LAMC1: variants seen among roughly 807,000 people sequenced by gnomAD.
LAMC1 encodes the protein laminin subunit gamma 1, also known as laminin subunit gamma-1.
LAMC1 carries 38 observed loss-of-function variants against 173.6 expected under a neutral mutation model. The observed-to-expected ratio is 0.22, with a 90% CI of 0.17 to 0.29. LAMC1 has a LOEUF of 0.29. LAMC1 is among the 10% of genes least tolerant of loss of function. The probability of loss-of-function intolerance (pLI) is 1.00; values close to 1 mark genes in which losing one functional copy is unlikely to be tolerated. For synonymous variants in LAMC1, 746 were observed against 749.1 expected (o/e 1.00, Z 0.07); for missense variants, 1,824 against 2,051.8 (o/e 0.89, Z 2.14).
chr1:183,108,172 A>G (rs1247182836), intron 2 of LAMC1, 104 bp from the exon 3 acceptor site: 19 of 1,056,728 alleles, frequency 1.8e-5, no homozygotes, highest in African/African-American at 4.8e-5. Flanking sequence ...AAGAGGGCGT[A>G]AGTTAAATGA....
At chr1:183,112,297 A>G (rs192759699) in intron 4 of LAMC1, among the ~76,000 whole-genome samples, 22 of 152,284 alleles carry the variant, frequency 1.4e-4, no homozygotes, top group African/African-American at 5.1e-4. Context: ...AGAATGAAAT[A>G]CTCCTAATAT....
At position 183,133,720 on chromosome 1, in the gene LAMC1, T is replaced by C. The variant is rs6666259; in HGVS notation, c.3849+170T>C. The stretch of plus-strand genomic sequence containing the variant: ...CAAGGTAGCCAGATGTGGTGGCTCA[T>C]GCCTGTAATGCCAACCCTGGGAGGC... On this transcript the variant is annotated intron_variant, in intron 22 of 27. Coordinates refer to ENST00000258341, the MANE Select transcript of LAMC1 (RefSeq NM_002293.4). Among the ~76,000 whole-genome samples, 78,777 of 152,048 alleles carry C rather than the reference T, an allele frequency of 0.52. 21,110 individuals carry two copies. Among genetic ancestry groups the C allele is most frequent in the South Asian group, 0.65 (3,133 of 4,818 alleles).
At chr1:183,130,582 G>C (rs1656757529) in intron 19 of LAMC1, 33 bp downstream of exon 19, 4 of 1,578,730 alleles carry the variant, frequency 2.5e-6, no homozygotes, top group African/African-American at 1.3e-5. Context: ...GGTGGGGATG[G>C]GGGAGGCCCC....
chr1:183,036,103 T>C (rs1031441295), intron 1 of LAMC1, among the ~76,000 whole-genome samples: 3 of 151,546 alleles, frequency 2.0e-5, no homozygotes, highest in African/African-American at 7.3e-5. Context: ...ATTCTTTTTT[T>C]TTTTTTTTTT....
chr1:183,077,835 A>G (rs925545552), intron 1 of LAMC1, among the ~76,000 whole-genome samples: 1 of 146,974 alleles, frequency 6.8e-6, no homozygotes, highest in Non-Finnish European at 1.5e-5. Context: ...TGATTGATGG[A>G]CATTTGGGTT....
In LAMC1 at chr1:183,023,601, T is replaced by A. The variant is rs1276436498; in HGVS notation, c.-116T>A. ...GCCGCCGCCACCGCCCGCGCCGGAG[T>A]CAGGCCCCTGGGCCCCCAGGCTCAA... On this transcript the variant is annotated 5_prime_UTR_variant, in exon 1 of 28. Transcript: ENST00000258341. 1.3e-6 allele frequency: 1 copy of A among 789,172 alleles called. No individual in the cohort carries two copies. The highest frequency in any genetic ancestry group is 5.9e-5 in the East Asian group (1 of 16,938). The allele number at this position is 789,172 out of a possible 1,614,324, so 48.9% of individuals were successfully genotyped here.
intron 21 of LAMC1, among the ~76,000 whole-genome samples, chr1:183,133,149 G>A (rs1656844999): frequency 6.6e-6 from 1 of 152,158 alleles, no homozygotes; most frequent in Non-Finnish European, 1.5e-5. Context: ...GACCTGAAGT[G>A]ATCTGCTCAC....
Position 183,142,827 on chromosome 1 carries a change from G to A in LAMC1, c.*37G>A. On this transcript the variant is annotated 3_prime_UTR_variant, in exon 28 of 28. Coordinates refer to ENST00000258341, the MANE Select transcript of LAMC1 (RefSeq NM_002293.4). ...CTGGAAGGCAGCATCCCTCTGACAG[G>A]GGGGCAGTTGTGAGGCCACAGAGTG... 6.4e-7 allele frequency: 1 copy of A among 1,564,316 alleles called. No individual in the cohort carries two copies. Among genetic ancestry groups the A allele is most frequent in the African/African-American group, 1.4e-5 (1 of 73,380 alleles).
chr1:183,124,409 G>A (rs1448826725), intron 13 of LAMC1, among the ~76,000 whole-genome samples: 2 of 152,160 alleles, frequency 1.3e-5, no homozygotes, highest in Non-Finnish European at 2.9e-5. Flanking sequence ...AGTGAAGTAG[G>A]CAGACCAGGT....
Position 183,027,077 on chromosome 1 carries a change from A to T in LAMC1, c.418+2943A>T, listed in dbSNP as rs562888004. On this transcript the variant is annotated intron_variant, in intron 1 of 27. Coordinates refer to ENST00000258341, the MANE Select transcript of LAMC1 (RefSeq NM_002293.4). Reference sequence around the variant, plus strand: ...TGAGGCGTATTTTAACAGATGGCAAATACAAATCTGATTATTGTGCCTGTA... The same window carrying T: ...TGAGGCGTATTTTAACAGATGGCAATTACAAATCTGATTATTGTGCCTGTA... Among the ~76,000 whole-genome samples the T allele has an allele frequency of 7.9e-5, 12 of 152,342 alleles. No individual in the cohort carries two copies. The East Asian group carries it at 1.9e-3, about 24-fold the overall frequency.
At chr1:183,136,046 C>G (rs1656929564) in intron 24 of LAMC1, among the ~76,000 whole-genome samples, 1 of 152,126 alleles carries the variant, frequency 6.6e-6, no homozygotes, top group African/African-American at 2.4e-5. Context: ...GTCAAAGACA[C>G]AAAGCTCTTA....
At chr1:183,050,215 C>T (rs1654379106) in intron 1 of LAMC1, among the ~76,000 whole-genome samples, 1 of 150,696 alleles carries the variant, frequency 6.6e-6, no homozygotes, top group African/African-American at 2.4e-5. Flanking sequence ...TACATTGTGA[C>T]TGTTGTAATA....
chr1:183,023,495 G>A lies in LAMC1; in HGVS notation c.-222G>A. 1 of 229,796 alleles carries A rather than the reference G, an allele frequency of 4.4e-6. No homozygotes were observed. The highest frequency in any genetic ancestry group is 8.2e-6 in the Non-Finnish European group (1 of 121,388). 14.2% of individuals were successfully genotyped at this position (229,796 alleles called of 1,614,324 possible). The stretch of plus-strand genomic sequence containing the variant: ...CTCCCGGGGTAGGTGAGGGAAGCGC[G>A]GAGGCGGCGCGCGGGGGCAGTGGTC... On this transcript the variant is annotated 5_prime_UTR_variant, in exon 1 of 28. Coordinates refer to ENST00000258341, the MANE Select transcript of LAMC1 (RefSeq NM_002293.4).
chr1:183,140,124 AT>A (rs59684476), intron 26 of LAMC1, among the ~76,000 whole-genome samples: 83,945 of 150,822 alleles, frequency 0.56, 23,504 homozygotes, highest in South Asian at 0.65. Flanking sequence ...AGAAAAGGAG[AT>A]TAATTTTTGA....
At chr1:183,068,706 C>T (rs1654937176) in intron 1 of LAMC1, among the ~76,000 whole-genome samples, 1 of 152,078 alleles carries the variant, frequency 6.6e-6, no homozygotes, top group African/African-American at 2.4e-5. Context: ...CTTTGGAAGG[C>T]TGAGGTGGGT....
intron 1 of LAMC1, among the ~76,000 whole-genome samples, chr1:183,058,731 G>GGTGTGAGTA (rs967947635): frequency 6.6e-6 from 1 of 152,020 alleles, no homozygotes; most frequent in African/African-American, 2.4e-5. Flanking sequence ...TGTGGGTGTG[G>GGTGTGAGTA]GTGTGAGTAC....
chr1:183,106,536 C>T (rs1655982338), intron 2 of LAMC1, among the ~76,000 whole-genome samples: 1 of 152,168 alleles, frequency 6.6e-6, no homozygotes, highest in Non-Finnish European at 1.5e-5. Context: ...CTCCCAGACT[C>T]ACCTGGAGCC....
Position 183,142,546 on chromosome 1 carries a change from C to T in LAMC1, c.4586C>T (p.Thr1529Ile), listed in dbSNP as rs935255711. ...TCTGACCCTCCAGGGCAGCTGGATACAGTGGACCTGAATAAGCTAAACGAG... is the reference window on the plus strand; with the variant it reads ...TCTGACCCTCCAGGGCAGCTGGATATAGTGGACCTGAATAAGCTAAACGAG... ...DLLEQLGQLD[T>I]VDLNKLNEIE... Residue 1529 changes from threonine to isoleucine, a missense_variant, in exon 28 of 28, where the codon ACA becomes ATA. Thr to Ile is a moderately conservative substitution (Grantham distance 89). Coordinates refer to ENST00000258341, the MANE Select transcript of LAMC1 (RefSeq NM_002293.4). 1.2e-6 allele frequency: 2 copies of T among 1,611,850 alleles called. No homozygotes were observed. The highest frequency in any genetic ancestry group is 1.3e-5 in the African/African-American group (1 of 74,856).
At chr1:183,133,323 T>C in intron 21 of LAMC1, 83 bp from the exon 22 acceptor site, 16 of 1,228,326 alleles carry the variant, frequency 1.3e-5, no homozygotes, top group Non-Finnish European at 1.8e-5. Context: ...GGGCGTATTA[T>C]CACATGATCA....
Sources: allele counts gnomAD v4.1 joint callset (sites outside exome capture counted in the v4.1 genomes callset), GRCh38; gene constraint gnomAD v4.1.1; transcripts MANE v1.5; gene names NCBI Gene and HGNC (gene_info 2026-07-23, HGNC 2026-07-21).